Variants in BRAF observed in about 807,000 individuals in gnomAD.
BRAF encodes serine/threonine-protein kinase B-raf.
In BRAF, 16 loss-of-function variants were observed where a neutral mutation model predicts 104.6. The ratio of observed to expected loss-of-function variants is 0.15; its 90% CI spans 0.10 to 0.23. The LOEUF (loss-of-function observed/expected upper bound fraction) is 0.23, where lower values mean the gene tolerates loss of function less well. Ranked by LOEUF, BRAF falls within the 10% of genes least tolerant of loss-of-function variation. BRAF has a pLI of 1.00. For synonymous variants in BRAF, 310 were observed against 341.6 expected (o/e 0.91, Z 1.02); for missense variants, 541 against 937.3 (o/e 0.58, Z 5.52).
chr7:140,782,621 G>A (rs1328619162), intron 11 of BRAF, among the ~76,000 whole-genome samples: 2 of 152,112 alleles, frequency 1.3e-5, no homozygotes, highest in African/African-American at 4.8e-5. Context: ...GTGCAGGTTT[G>A]TTACATACGT....
rs780330389 is a variant in BRAF, at chr7:140,850,230, A to T, written c.139-18T>A. ...TTCCACACCTAAAAAATATTTCAAA[A>T]GAATTTAAATAAAAATCACTTAGTA... On this transcript the variant is annotated intron_variant, in intron 1 of 19. Transcript: ENST00000644969. The T allele has an allele frequency of 1.9e-6, 3 of 1,542,530 alleles. No homozygotes were observed. The South Asian group carries it at 3.4e-5, about 17-fold the overall frequency.
chr7:140,736,367 C>T (rs1796432144), intron 18 of BRAF, among the ~76,000 whole-genome samples: 1 of 151,650 alleles, frequency 6.6e-6, no homozygotes, highest in African/African-American at 2.4e-5. Context: ...CTGCGCCTGG[C>T]CTCTTCAGTA....
At chr7:140,905,639 T>C (rs192669099) in intron 1 of BRAF, among the ~76,000 whole-genome samples, 6 of 152,350 alleles carry the variant, frequency 3.9e-5, no homozygotes, top group African/African-American at 1.4e-4. Context: ...GCTGGTGATA[T>C]GTTTAGATTT....
At chr7:140,765,966 T>C (rs6947491) in intron 14 of BRAF, among the ~76,000 whole-genome samples, 20,128 of 118,156 alleles carry the variant, frequency 0.17, 3,570 homozygotes, top group African/African-American at 0.51. Context: ...ACCCAAAGGA[T>C]TATAAATCAT....
intron 1 of BRAF, among the ~76,000 whole-genome samples, chr7:140,853,965 T>TA (rs879469761): frequency 1.5e-4 from 22 of 151,546 alleles, no homozygotes; most frequent in South Asian, 2.1e-4. Flanking sequence ...TATATTTGTT[T>TA]AAAAAAAAAT....
intron 3 of BRAF, among the ~76,000 whole-genome samples, chr7:140,822,921 C>CGA (rs1805639100): frequency 6.6e-6 from 1 of 152,138 alleles, no homozygotes; most frequent in Non-Finnish European, 1.5e-5. Flanking sequence ...CTCCTGGGCA[C>CGA]AAGTGATCCT....
intron 14 of BRAF, among the ~76,000 whole-genome samples, chr7:140,768,203 T>A (rs1799510966): frequency 6.6e-6 from 1 of 152,254 alleles, no homozygotes; most frequent in Non-Finnish European, 1.5e-5. Context: ...TTTTTATTTA[T>A]GTTTACATTT....
chr7:140,856,624 G>A (rs1283077661), intron 1 of BRAF, among the ~76,000 whole-genome samples: 1 of 152,106 alleles, frequency 6.6e-6, no homozygotes, highest in Non-Finnish European at 1.5e-5. Flanking sequence ...GCTGAAGAGA[G>A]AATTAAAGGA....
chr7:140,718,099 G>C (rs1433157598), downstream of BRAF, among the ~76,000 whole-genome samples: 1 of 152,114 alleles, frequency 6.6e-6, no homozygotes, highest in African/African-American at 2.4e-5. Context: ...ATAAACAGGT[G>C]AAGTGTTTTT....
downstream of BRAF, chr7:140,719,277 G>C: frequency 1.3e-6 from 1 of 780,762 alleles, no homozygotes; most frequent in Non-Finnish European, 1.6e-6. Context: ...TGTTAAAACT[G>C]CTGACTACTT....
In BRAF at chr7:140,821,464, A is replaced by AT. The variant is rs201485604; in HGVS notation, c.505-12470dup. ...AGGTGTGCACCACCATGGCTGGCTA[A>AT]TTTTTTTTTTTGTATTTTTAGTAGA... is the stretch of plus-strand genomic sequence containing the variant. On this transcript the variant is annotated intron_variant, in intron 3 of 19. Coordinates refer to ENST00000644969, the MANE Select transcript of BRAF (RefSeq NM_001374258.1). 1.7e-3 allele frequency among the ~76,000 whole-genome samples: 253 copies of AT among 145,258 alleles called. 2 individuals carry two copies. Among genetic ancestry groups the AT allele is most frequent in the East Asian group, 4.8e-3 (24 of 5,000 alleles).
In BRAF at chr7:140,734,774, C is replaced by CAAAAAAAAAAG; in HGVS notation, c.2248-5_2248-4insCTTTTTTTTTT. On this transcript the variant is annotated splice_region_variant and splice_polypyrimidine_tract_variant and intron_variant, in intron 18 of 19. Transcript: ENST00000644969. The stretch of plus-strand genomic sequence containing the variant: ...GCAGCTCAATAGAGGCGAGAATCTA[C>CAAAAAAAAAAG]AAAAAAAAAAAGAAAAAAAAAAGAA... 16 of 772,416 alleles carry CAAAAAAAAAAG rather than the reference C, an allele frequency of 2.1e-5. No homozygotes were observed. Among genetic ancestry groups the CAAAAAAAAAAG allele is most frequent in the East Asian group, 4.3e-5 (1 of 23,120 alleles). 47.8% of individuals were successfully genotyped at this position (772,416 alleles called of 1,614,324 possible). A position where few individuals can be genotyped will look rare whatever the true frequency, so the allele number is the denominator to read the frequency against.
At chr7:140,887,615 A>C (rs1280861662) in intron 1 of BRAF, among the ~76,000 whole-genome samples, 1 of 152,212 alleles carries the variant, frequency 6.6e-6, no homozygotes, top group African/African-American at 2.4e-5. Context: ...AGGTATGCAC[A>C]TACACCTGAG....
rs374367447 is a variant in BRAF, at chr7:140,729,767, G to T, written c.2402-3251C>A. On this transcript the variant is annotated intron_variant, in intron 19 of 19. Coordinates refer to ENST00000644969, the MANE Select transcript of BRAF (RefSeq NM_001374258.1). ...CACTCCAGCCTGGGCAACAGAATGA[G>T]ACTCTGTCTCAAAAACAAAAAAATT... Among the ~76,000 whole-genome samples the T allele has an allele frequency of 1.1e-4, 17 of 152,228 alleles. 1 individual carries two copies. Among genetic ancestry groups the T allele is most frequent in the African/African-American group, 3.9e-4 (16 of 41,556 alleles).
chr7:140,854,954 AG>A (rs1809612219), intron 1 of BRAF, among the ~76,000 whole-genome samples: 1 of 152,162 alleles, frequency 6.6e-6, no homozygotes, highest in African/African-American at 2.4e-5. Context: ...TCAAAAAAAA[AG>A]TAAAAGAAAA....
intron 1 of BRAF, among the ~76,000 whole-genome samples, chr7:140,915,182 G>A (rs954523138): frequency 6.6e-6 from 1 of 151,484 alleles, no homozygotes; most frequent in Non-Finnish European, 1.5e-5. Context: ...AAAATAAATG[G>A]TACAAGGTAA....
chr7:140,906,713 T>C (rs1386694350), intron 1 of BRAF, among the ~76,000 whole-genome samples: 1 of 152,216 alleles, frequency 6.6e-6, no homozygotes, highest in East Asian at 1.9e-4. Context: ...GGATAATTCT[T>C]TGCTAATTAC....
At chr7:140,794,617 A>G in intron 7 of BRAF, 150 bp from the exon 8 acceptor site, 1 of 978,820 alleles carries the variant, frequency 1.0e-6, no homozygotes, top group Non-Finnish European at 1.5e-6. Context: ...TTTTAAAAGT[A>G]TTAATTTAAA....
intron 5 of BRAF, among the ~76,000 whole-genome samples, chr7:140,802,292 CTTTTTT>C (rs144953895): frequency 9.7e-6 from 1 of 103,308 alleles, no homozygotes; most frequent in Non-Finnish European, 1.8e-5. Context: ...ATGTTTGTGT[CTTTTTT>C]TTTTTTTTTT....
Sources: allele counts gnomAD v4.1 joint callset (sites outside exome capture counted in the v4.1 genomes callset), GRCh38; gene constraint gnomAD v4.1.1; transcripts MANE v1.5; gene names NCBI Gene and HGNC (gene_info 2026-07-23, HGNC 2026-07-21).